Variants in NOL4 observed in about 807,000 individuals in gnomAD.
NOL4 encodes cancer/testis antigen 125.
A neutral mutation model predicts 75.9 loss-of-function variants in NOL4; 17 were observed. The ratio of observed to expected loss-of-function variants is 0.22; its 90% CI spans 0.15 to 0.34. NOL4 has a LOEUF of 0.34. Among genes scored for constraint, NOL4 ranks in the 10% least tolerant of loss-of-function variants. The pLI, the probability that NOL4 is intolerant of heterozygous loss-of-function variation, is 1.00. For missense variants in NOL4, 614 were observed against 793.5 expected, an observed-to-expected ratio of 0.77 and a Z score of 2.72; for synonymous variants, 292 against 289.9, an observed-to-expected ratio of 1.01 and a Z score of -0.07.
intron 5 of NOL4, among the ~76,000 whole-genome samples, chr18:34,074,350 A>C (rs2077655884): frequency 6.6e-6 from 1 of 151,762 alleles, no homozygotes. Context: ...GAAAAGAAAA[A>C]TCATATTTAA....
At chr18:34,001,297 C>A (rs149375994) in intron 6 of NOL4, among the ~76,000 whole-genome samples, 1 of 152,228 alleles carries the variant, frequency 6.6e-6, no homozygotes, top group South Asian at 2.1e-4. Flanking sequence ...GCAAATAATG[C>A]GAACTACATT....
chr18:34,158,560 T>C (rs1021376156), intron 1 of NOL4: 1 of 152,054 alleles, frequency 6.6e-6, no homozygotes, highest in African/African-American at 2.4e-5. Flanking sequence ...AAAGAAGGGG[T>C]TTCTAAACAG....
chr18:33,908,034 T>G (rs1264536675), intron 9 of NOL4, among the ~76,000 whole-genome samples: 2 of 151,936 alleles, frequency 1.3e-5, no homozygotes, highest in Non-Finnish European at 2.9e-5. Flanking sequence ...AGACAGGACC[T>G]ACAATTTATG....
intron 5 of NOL4, among the ~76,000 whole-genome samples, chr18:34,041,065 A>G (rs189610788): frequency 6.6e-6 from 1 of 152,092 alleles, no homozygotes; most frequent in African/African-American, 2.4e-5. Context: ...TGCAGGTCCA[A>G]TAACACATAT....
At chr18:33,942,433 G>A (rs2068554220) in intron 9 of NOL4, among the ~76,000 whole-genome samples, 1 of 151,722 alleles carries the variant, frequency 6.6e-6, no homozygotes, top group South Asian at 2.1e-4. Context: ...AAGACTGAGG[G>A]AAACACCAGT....
intron 2 of NOL4, among the ~76,000 whole-genome samples, chr18:34,116,294 A>T (rs1178909546): frequency 2.1e-5 from 2 of 95,756 alleles, no homozygotes; most frequent in East Asian, 8.8e-4. Context: ...TGTGGGTTAT[A>T]AAAAAAAACA....
At chr18:34,125,991 A>G (rs1568371548) in intron 2 of NOL4, among the ~76,000 whole-genome samples, 1 of 151,758 alleles carries the variant, frequency 6.6e-6, no homozygotes, top group Non-Finnish European at 1.5e-5. Flanking sequence ...TGCCTGCATG[A>G]GAAGTTATTA....
intron 4 of NOL4, among the ~76,000 whole-genome samples, chr18:34,098,148 C>T (rs912609257): frequency 2.0e-5 from 3 of 152,064 alleles, no homozygotes; most frequent in African/African-American, 7.2e-5. Flanking sequence ...GCATGCTGCT[C>T]CTTAGATCAA....
intron 8 of NOL4, among the ~76,000 whole-genome samples, chr18:33,950,225 T>G (rs960056626): frequency 1.3e-5 from 2 of 152,116 alleles, no homozygotes; most frequent in African/African-American, 4.8e-5. Context: ...GTGTAATTTT[T>G]TTTTAACACT....
chr18:34,120,427 G>A (rs544352002), intron 2 of NOL4, among the ~76,000 whole-genome samples: 1 of 152,078 alleles, frequency 6.6e-6, no homozygotes, highest in East Asian at 1.9e-4. Context: ...TTAACTTGAT[G>A]AGTCATAAAT....
At position 34,217,666 on chromosome 18, in the gene NOL4, T is replaced by C. The variant is rs116328863; in HGVS notation, c.264+5324A>G. Among the ~76,000 whole-genome samples the C allele has an allele frequency of 4.5e-3, 691 of 152,326 alleles. 7 individuals are homozygous for C. Among genetic ancestry groups the C allele is most frequent in the African/African-American group, 0.016 (661 of 41,580 alleles). On this transcript the variant is annotated intron_variant, in intron 1 of 10. Coordinates refer to ENST00000261592, the MANE Select transcript of NOL4 (RefSeq NM_003787.5). ...TTATAATTACATCGTGATTTTCATGTTCTATGAATCATATTTTAAGCAACT... is the reference window on the plus strand; with the variant it reads ...TTATAATTACATCGTGATTTTCATGCTCTATGAATCATATTTTAAGCAACT...
chr18:34,125,553 A>G (rs1447229067), intron 2 of NOL4, among the ~76,000 whole-genome samples: 1 of 152,172 alleles, frequency 6.6e-6, no homozygotes, highest in Non-Finnish European at 1.5e-5. Context: ...GAGACAGTGA[A>G]CCAATAGATA....
At chr18:33,961,915 T>C (rs999060869) in intron 6 of NOL4, among the ~76,000 whole-genome samples, 1 of 152,138 alleles carries the variant, frequency 6.6e-6, no homozygotes, top group Non-Finnish European at 1.5e-5. Flanking sequence ...TTAACTTCTA[T>C]AATTGTGTCC....
At chr18:33,921,450 C>G (rs550716446) in intron 9 of NOL4, among the ~76,000 whole-genome samples, 58 of 152,222 alleles carry the variant, frequency 3.8e-4, no homozygotes, top group Non-Finnish European at 6.5e-4. Flanking sequence ...ATCCCTGATA[C>G]CTATCAATGT....
In NOL4 at chr18:34,204,184, C is replaced by T. The variant is rs145735067; in HGVS notation, c.264+18806G>A. ...CTGCAATAACATACATGCTATTTCT[C>T]CCATGATCTGATTATTATGTGTAGT... On this transcript the variant is annotated intron_variant, in intron 1 of 10. Coordinates refer to ENST00000261592, the MANE Select transcript of NOL4 (RefSeq NM_003787.5). 7.1e-4 allele frequency among the ~76,000 whole-genome samples: 108 copies of T among 152,098 alleles called. No homozygotes were observed. In the East Asian group the frequency reaches 0.02, roughly 28 times the overall value.
intron 1 of NOL4, among the ~76,000 whole-genome samples, chr18:34,171,859 AG>A (rs1249005445): frequency 1.3e-5 from 2 of 152,164 alleles, no homozygotes; most frequent in Non-Finnish European, 2.9e-5. Context: ...TAAGACTCTT[AG>A]AACTACATTC....
chr18:33,998,427 CTT>C (rs2073447449), intron 6 of NOL4, among the ~76,000 whole-genome samples: 1 of 151,782 alleles, frequency 6.6e-6, no homozygotes, highest in African/African-American at 2.4e-5. Flanking sequence ...TATTATATAC[CTT>C]TTGAGGTCAG....
intron 1 of NOL4, among the ~76,000 whole-genome samples, chr18:34,201,142 A>G (rs535376705): frequency 9.4e-4 from 143 of 151,854 alleles, no homozygotes; most frequent in African/African-American, 3.0e-3. Flanking sequence ...GAGAAAGGGG[A>G]AAATGATATT....
intron 1 of NOL4, among the ~76,000 whole-genome samples, chr18:34,161,528 T>C (rs753533311): frequency 5.3e-5 from 8 of 152,176 alleles, no homozygotes; most frequent in African/African-American, 1.4e-4. Flanking sequence ...TTTTTGATAA[T>C]AGCCATTCTA....
Sources: gnomAD v4.1 joint callset for allele counts (sites outside exome capture counted in the v4.1 genomes callset) on GRCh38, gnomAD v4.1.1 for gene constraint, MANE v1.5 for transcripts, NCBI Gene and HGNC (gene_info 2026-07-23, HGNC 2026-07-21) for gene names.